MYO3B: variants seen among roughly 807,000 people sequenced by gnomAD.
The protein encoded by MYO3B is myosin IIIB.
Under a neutral mutation model 174.6 loss-of-function variants are expected in MYO3B, and 156 were observed. The observed-to-expected ratio is 0.89, with a 90% CI of 0.78 to 1.02. The LOEUF (loss-of-function observed/expected upper bound fraction) is 1.02, where lower values mean the gene tolerates loss of function less well. Among genes scored for constraint, MYO3B ranks in the 50% least tolerant of loss-of-function variants. The pLI is 0.00. For synonymous variants in MYO3B, 563 were observed against 569.1 expected (o/e 0.99, Z 0.15); for missense variants, 1,632 against 1,639.4 (o/e 1.00, Z 0.08).
chr2:170,589,724 G>A (rs1162362475), intron 32 of MYO3B, among the ~76,000 whole-genome samples: 2 of 152,288 alleles, frequency 1.3e-5, no homozygotes, highest in Non-Finnish European at 1.5e-5. Flanking sequence ...AGTAAGCTAA[G>A]GTTAATTTAT....
At chr2:170,496,258 G>A (rs2106064250) in intron 25 of MYO3B, among the ~76,000 whole-genome samples, 1 of 152,304 alleles carries the variant, frequency 6.6e-6, no homozygotes, top group South Asian at 2.1e-4. Flanking sequence ...GTAGCAGGAA[G>A]ATAAAGTTGA....
chr2:170,223,781 TG>T (rs2092925107), intron 6 of MYO3B, among the ~76,000 whole-genome samples: 1 of 152,234 alleles, frequency 6.6e-6, no homozygotes, highest in Admixed American at 6.5e-5. Flanking sequence ...TGTTTGTAAG[TG>T]ACTGAAACCC....
At chr2:170,211,353 T>C (rs531930329) in intron 3 of MYO3B, among the ~76,000 whole-genome samples, 5 of 152,336 alleles carry the variant, frequency 3.3e-5, no homozygotes, top group African/African-American at 1.2e-4. Flanking sequence ...TTAATTAAAC[T>C]GAGCACTCTC....
At chr2:170,546,750 G>T (rs1690519252) in intron 32 of MYO3B, among the ~76,000 whole-genome samples, 1 of 152,134 alleles carries the variant, frequency 6.6e-6, no homozygotes, top group African/African-American at 2.4e-5. Flanking sequence ...GTTTCATTCT[G>T]TGCTTTAAAT....
rs17426211 is a variant in MYO3B at position 170,444,065 on chromosome 2, C to A, written c.2730+19C>A. On this transcript the variant is annotated intron_variant, in intron 23 of 34. Coordinates refer to ENST00000408978, the MANE Select transcript of MYO3B (RefSeq NM_138995.5). ...AGCCAAGGTGAGTAACAGATTTGCA[C>A]CAAATATAGTATGGACTGGCAGGTA... is the stretch of plus-strand genomic sequence containing the variant. 0.28 allele frequency: 446,340 copies of A among 1,603,026 alleles called. 64,971 individuals carry two copies. The highest frequency in any genetic ancestry group is 0.35 in the Admixed American group (21,170 of 59,880).
chr2:170,304,503 C>T (rs1290256697), intron 7 of MYO3B, among the ~76,000 whole-genome samples: 7 of 140,096 alleles, frequency 5.0e-5, no homozygotes, highest in African/African-American at 1.6e-4. Context: ...CTCGCTCTGT[C>T]ACCCAGGCTG....
chr2:170,495,075 A>C (rs1159907705), intron 25 of MYO3B, among the ~76,000 whole-genome samples: 2 of 152,230 alleles, frequency 1.3e-5, no homozygotes, highest in Non-Finnish European at 2.9e-5. Flanking sequence ...AGCTCAGGGA[A>C]GTCTGGTTTT....
intron 21 of MYO3B, among the ~76,000 whole-genome samples, chr2:170,406,900 T>C (rs1364510620): frequency 6.6e-6 from 1 of 152,028 alleles, no homozygotes; most frequent in African/African-American, 2.4e-5. Context: ...ATCACTCAGA[T>C]CTCATGAGGA....
chr2:170,628,163 G>A (rs1243455426), intron 32 of MYO3B, among the ~76,000 whole-genome samples: 2 of 152,088 alleles, frequency 1.3e-5, no homozygotes, highest in Non-Finnish European at 2.9e-5. Flanking sequence ...TACAGAGGCA[G>A]GCAGGCCTCC....
chr2:170,339,752 G>C (rs1378827401), intron 8 of MYO3B, among the ~76,000 whole-genome samples: 1 of 152,184 alleles, frequency 6.6e-6, no homozygotes, highest in African/African-American at 2.4e-5. Context: ...TTGGTTGTTA[G>C]TGATAATTGA....
rs554394175 is a variant in MYO3B at position 170,264,428 on chromosome 2, C to T, written c.749+28292C>T. Among the ~76,000 whole-genome samples, 126 of 152,320 alleles carry T rather than the reference C, an allele frequency of 8.3e-4. 1 individual carries two copies. The highest frequency in any genetic ancestry group is 2.9e-3 in the African/African-American group (122 of 41,572). ...TTGTAAGGCTCAGTCTTGGAAGTTA[C>T]ACCCATCACTTTTGCCACATTCTAC... On this transcript the variant is annotated intron_variant, in intron 7 of 34. Coordinates refer to ENST00000408978, the MANE Select transcript of MYO3B (RefSeq NM_138995.5).
intron 8 of MYO3B, chr2:170,338,232 AG>A (rs1381404081): frequency 6.6e-6 from 1 of 152,214 alleles, no homozygotes; most frequent in Non-Finnish European, 1.5e-5. Flanking sequence ...CAAAGCAAAA[AG>A]CATCCTGTTG....
chr2:170,299,021 T>C, intron 7 of MYO3B, among the ~76,000 whole-genome samples: 1 of 152,206 alleles, frequency 6.6e-6, no homozygotes, highest in East Asian at 1.9e-4. Flanking sequence ...GCTAGGTTTG[T>C]GTAAGTATAT....
intron 32 of MYO3B, among the ~76,000 whole-genome samples, chr2:170,620,589 G>T (rs774866541): frequency 6.6e-6 from 1 of 152,202 alleles, no homozygotes; most frequent in African/African-American, 2.4e-5. Context: ...CAAAAGACTT[G>T]ATTATTCACA....
At chr2:170,614,782 T>G (rs2105306033) in intron 32 of MYO3B, among the ~76,000 whole-genome samples, 1 of 152,282 alleles carries the variant, frequency 6.6e-6, no homozygotes. Context: ...CAGTCCTGAC[T>G]CTCAGAGAAT....
intron 14 of MYO3B, among the ~76,000 whole-genome samples, chr2:170,390,522 G>C (rs912821987): frequency 6.6e-6 from 1 of 152,300 alleles, no homozygotes; most frequent in East Asian, 1.9e-4. Context: ...GTCACAGAAG[G>C]GCTTTGACAG....
chr2:170,329,619 C>T (rs1020881353), intron 7 of MYO3B, among the ~76,000 whole-genome samples: 4 of 151,134 alleles, frequency 2.6e-5, no homozygotes, highest in African/African-American at 9.8e-5. Context: ...GTCTCGAACT[C>T]CTGACCTCAA....
intron 22 of MYO3B, among the ~76,000 whole-genome samples, chr2:170,437,118 A>G (rs1322011520): frequency 6.6e-6 from 1 of 152,094 alleles, no homozygotes; most frequent in East Asian, 1.9e-4. Flanking sequence ...TTGAGAAGTC[A>G]ACTTGTTCAA....
At chr2:170,630,966 A>AGCTGAAAATTCTAAAAACCAGAGT (rs1199601837) in intron 32 of MYO3B, among the ~76,000 whole-genome samples, 2 of 152,230 alleles carry the variant, frequency 1.3e-5, no homozygotes, top group Non-Finnish European at 2.9e-5. Flanking sequence ...AGAGTAGAAA[A>AGCTGAAAATTCTAAAAACCAGAGT]GCTGAAAATT....
Sources: gnomAD v4.1 joint callset for allele counts (sites outside exome capture counted in the v4.1 genomes callset) on GRCh38, gnomAD v4.1.1 for gene constraint, MANE v1.5 for transcripts, NCBI Gene and HGNC (gene_info 2026-07-23, HGNC 2026-07-21) for gene names.